Variants in CLSTN2 observed in about 807,000 individuals in gnomAD.
The protein encoded by CLSTN2 is calsyntenin-2.
CLSTN2 carries 48 observed loss-of-function variants against 101.2 expected under a neutral mutation model. The observed-to-expected ratio is 0.47, with a 90% CI of 0.38 to 0.60. The LOEUF (loss-of-function observed/expected upper bound fraction) is 0.60, where lower values mean the gene tolerates loss of function less well. Among genes scored for constraint, CLSTN2 ranks in the 20% least tolerant of loss-of-function variants. CLSTN2 has a pLI of 0.00. For synonymous variants in CLSTN2, 481 were observed against 463.6 expected, an observed-to-expected ratio of 1.04 and a Z score of -0.48; for missense variants, 1,160 against 1,238.2, an observed-to-expected ratio of 0.94 and a Z score of 0.95.
At chr3:139,951,129 G>A (rs1215807785) in intron 1 of CLSTN2, among the ~76,000 whole-genome samples, 1 of 152,170 alleles carries the variant, frequency 6.6e-6, no homozygotes, top group African/African-American at 2.4e-5. Flanking sequence ...GAAGAGAACT[G>A]TGGGGCTCTA....
intron 7 of CLSTN2, 137 bp downstream of exon 7, chr3:140,459,906 T>G: frequency 1.0e-6 from 1 of 999,124 alleles, no homozygotes; most frequent in Non-Finnish European, 1.5e-6. Flanking sequence ...CCAATATATA[T>G]TCTGGTCTCT....
At chr3:140,120,275 G>A (rs1342095127) in intron 1 of CLSTN2, among the ~76,000 whole-genome samples, 1 of 152,068 alleles carries the variant, frequency 6.6e-6, no homozygotes, top group Non-Finnish European at 1.5e-5. Flanking sequence ...TGTTGGAGTG[G>A]CTCACAGAAC....
chr3:140,152,546 A>G (rs529190889), intron 1 of CLSTN2, among the ~76,000 whole-genome samples: 8 of 152,350 alleles, frequency 5.3e-5, no homozygotes, highest in Admixed American at 1.3e-4. Flanking sequence ...AATACCTGGC[A>G]TAGTCCCACC....
chr3:140,057,205 G>C (rs79977350), intron 1 of CLSTN2, among the ~76,000 whole-genome samples: 3,351 of 152,320 alleles, frequency 0.022, 122 homozygotes, highest in African/African-American at 0.069. Context: ...CAATGACATG[G>C]ATGATCCAAA....
intron 1 of CLSTN2, among the ~76,000 whole-genome samples, chr3:140,148,055 G>A (rs1156797942): frequency 6.6e-6 from 1 of 152,190 alleles, no homozygotes; most frequent in East Asian, 1.9e-4. Flanking sequence ...TGGCTGAAAT[G>A]GAAAGGGTGG....
Position 140,562,030 on chromosome 3 carries a change from G to C in CLSTN2, c.2042-108G>C. 3 of 949,688 alleles carry C rather than the reference G, an allele frequency of 3.2e-6. No homozygotes were observed. In the South Asian group the frequency reaches 4.8e-5, roughly 15 times the overall value. The allele number at this position is 949,688 out of a possible 1,614,324, so 58.8% of individuals were successfully genotyped here. Reference sequence around the variant, plus strand: ...TTGGGATCACACAGACTCTGCTCCTGACCCAGCCTTAACCTGGGGTGCAAT... The same window carrying C: ...TTGGGATCACACAGACTCTGCTCCTCACCCAGCCTTAACCTGGGGTGCAAT... On this transcript the variant is annotated intron_variant, in intron 12 of 16. Transcript: ENST00000458420.
At chr3:139,943,632 T>G (rs1370867351) in intron 1 of CLSTN2, among the ~76,000 whole-genome samples, 3 of 152,128 alleles carry the variant, frequency 2.0e-5, no homozygotes, top group African/African-American at 7.2e-5. Context: ...GAATCTAATA[T>G]TCATGCCACA....
At chr3:139,940,611 CCT>C (rs1377683382) in intron 1 of CLSTN2, among the ~76,000 whole-genome samples, 1 of 152,060 alleles carries the variant, frequency 6.6e-6, no homozygotes, top group East Asian at 1.9e-4. Context: ...GTTATCCGTT[CCT>C]CTGTTTCTCA....
chr3:140,389,898 TCTTTA>T (rs2107969834), intron 2 of CLSTN2, among the ~76,000 whole-genome samples: 1 of 152,334 alleles, frequency 6.6e-6, no homozygotes, highest in Non-Finnish European at 1.5e-5. Flanking sequence ...TAGCTAATTT[TCTTTA>T]CTTTGATATC....
intron 2 of CLSTN2, among the ~76,000 whole-genome samples, chr3:140,185,318 A>G (rs2010470204): frequency 6.6e-6 from 1 of 152,188 alleles, no homozygotes; most frequent in Non-Finnish European, 1.5e-5. Context: ...ACAATGAATC[A>G]GGAAAAACAA....
intron 1 of CLSTN2, among the ~76,000 whole-genome samples, chr3:140,008,273 T>C (rs2006998060): frequency 6.6e-6 from 1 of 152,254 alleles, no homozygotes; most frequent in South Asian, 2.1e-4. Flanking sequence ...CCTAGGCCAT[T>C]GCATGGCCTG....
At chr3:140,250,304 T>G (rs1330530242) in intron 2 of CLSTN2, among the ~76,000 whole-genome samples, 1 of 152,200 alleles carries the variant, frequency 6.6e-6, no homozygotes, top group Non-Finnish European at 1.5e-5. Context: ...GATATGGTCC[T>G]GTCTTTGGGA....
rs534189177 is a variant in CLSTN2 at position 140,131,866 on chromosome 3, T to G, written c.110-44085T>G. Among the ~76,000 whole-genome samples the G allele has an allele frequency of 2.9e-4, 44 of 152,072 alleles. 2 individuals are homozygous for G. The South Asian group carries it at 9.2e-3, about 32-fold the overall frequency. On this transcript the variant is annotated intron_variant, in intron 1 of 16. Transcript: ENST00000458420. ...GAGAATGCTAGCACCGAGAGCGGGC[T>G]AAAACTGTCCCACAATTGACCAGTA... is the stretch of plus-strand genomic sequence containing the variant.
At chr3:140,438,075 G>T (rs1479942280) in intron 5 of CLSTN2, among the ~76,000 whole-genome samples, 3 of 152,150 alleles carry the variant, frequency 2.0e-5, no homozygotes, top group Non-Finnish European at 4.4e-5. Flanking sequence ...ATGTCAGCAT[G>T]CTTCTGTTGT....
intron 7 of CLSTN2, among the ~76,000 whole-genome samples, 163 bp downstream of exon 7, chr3:140,459,932 GA>G (rs1933519375): frequency 6.6e-6 from 1 of 152,162 alleles, no homozygotes; most frequent in Admixed American, 6.5e-5. Context: ...TCTGGCTGCT[GA>G]TTTTCCAGGC....
chr3:140,271,321 T>A (rs1000029026), intron 2 of CLSTN2, among the ~76,000 whole-genome samples: 3 of 152,154 alleles, frequency 2.0e-5, no homozygotes, highest in Non-Finnish European at 4.4e-5. Context: ...CCACCTCCCC[T>A]CCAGGCTAAT....
chr3:140,213,459 G>A (rs1038547202), intron 2 of CLSTN2, among the ~76,000 whole-genome samples: 1 of 152,318 alleles, frequency 6.6e-6, no homozygotes, highest in Admixed American at 6.5e-5. Context: ...ATGAGCTGTG[G>A]CAGGAGCTAG....
chr3:139,948,130 C>G (rs1935240785), intron 1 of CLSTN2, among the ~76,000 whole-genome samples: 1 of 152,128 alleles, frequency 6.6e-6, no homozygotes, highest in Admixed American at 6.5e-5. Flanking sequence ...CCTCCAGGAT[C>G]TTTCTCTGCT....
chr3:140,469,428 C>T lies in CLSTN2; in HGVS notation c.1344+2697C>T, dbSNP rs113764264. On this transcript the variant is annotated intron_variant, in intron 8 of 16. Coordinates refer to ENST00000458420, the MANE Select transcript of CLSTN2 (RefSeq NM_022131.3). ...CTGAGCAACCCAGAGACCCCTCTTT[C>T]TCCTTACTCAGCTCCCTGTGTAGAC... Among the ~76,000 whole-genome samples, 739 of 152,288 alleles carry T rather than the reference C, an allele frequency of 4.9e-3. 4 individuals carry two copies. The highest frequency in any genetic ancestry group is 7.7e-3 in the Non-Finnish European group (527 of 68,020).
Sources: allele counts gnomAD v4.1 joint callset (sites outside exome capture counted in the v4.1 genomes callset), GRCh38; gene constraint gnomAD v4.1.1; transcripts MANE v1.5; gene names NCBI Gene and HGNC (gene_info 2026-07-23, HGNC 2026-07-21).